The following MTURN variants were observed in gnomAD, a reference collection of about 807,000 sequenced individuals.
MTURN encodes the protein maturin, neural progenitor differentiation regulator homolog.
A neutral mutation model predicts 14.9 loss-of-function variants in MTURN; 7 were observed. The ratio of observed to expected loss-of-function variants is 0.47; its 90% CI spans 0.27 to 0.88. The LOEUF (loss-of-function observed/expected upper bound fraction) is 0.88. MTURN is among the 40% of genes least tolerant of loss of function. MTURN has a pLI of 0.14. For synonymous variants in MTURN, 69 were observed against 72.5 expected (o/e 0.95, Z 0.25); for missense variants, 151 against 174.1 (o/e 0.87, Z 0.75).
intron 2 of MTURN, among the ~76,000 whole-genome samples, chr7:30,151,972 A>C (rs777180995): frequency 6.6e-5 from 10 of 152,216 alleles, no homozygotes; most frequent in Non-Finnish European, 1.5e-4. Context: ...TGTGTCCCAG[A>C]AAAAGTCCAA....
At chr7:30,151,695 G>A (rs983481775) in intron 2 of MTURN, among the ~76,000 whole-genome samples, 3 of 152,124 alleles carry the variant, frequency 2.0e-5, no homozygotes, top group Admixed American at 6.5e-5. Flanking sequence ...GTCCCCTATT[G>A]CTCTTGCAGT....
At chr7:30,155,266 G>C (rs1797270166) in intron 2 of MTURN, among the ~76,000 whole-genome samples, 1 of 152,132 alleles carries the variant, frequency 6.6e-6, no homozygotes, top group Non-Finnish European at 1.5e-5. Flanking sequence ...TCAATACAAT[G>C]AACAATTATA....
At chr7:30,135,934 A>C (rs371113390) in intron 1 of MTURN, among the ~76,000 whole-genome samples, 2 of 152,204 alleles carry the variant, frequency 1.3e-5, no homozygotes, top group South Asian at 2.1e-4. Context: ...TACACCCCGG[A>C]TCTTAATACG....
intron 1 of MTURN, among the ~76,000 whole-genome samples, chr7:30,144,411 C>T (rs1797097524): frequency 6.6e-6 from 1 of 152,202 alleles, no homozygotes; most frequent in East Asian, 1.9e-4. Context: ...GATTAAGAAT[C>T]AACTGGCATA....
chr7:30,145,708 A>T (rs1797118413), intron 1 of MTURN: 1 of 977,564 alleles, frequency 1.0e-6, no homozygotes. Flanking sequence ...ACGCCTACTC[A>T]CAGGCCGATC....
At chr7:30,151,846 G>A (rs1382624039) in intron 2 of MTURN, among the ~76,000 whole-genome samples, 2 of 152,192 alleles carry the variant, frequency 1.3e-5, no homozygotes, top group African/African-American at 4.8e-5. Context: ...TCAAGAAAGA[G>A]ACATTTCTGC....
chr7:30,154,489 A>G (rs936708818), intron 2 of MTURN, among the ~76,000 whole-genome samples: 2 of 152,080 alleles, frequency 1.3e-5, no homozygotes, highest in Admixed American at 1.3e-4. Context: ...ACATCACATC[A>G]CGTGTAGTTA....
rs955378490 is a variant in MTURN, at chr7:30,162,659, C to A, written c.*5111C>A. On this transcript the variant is annotated 3_prime_UTR_variant, in exon 3 of 3. Transcript: ENST00000324453. ...TGCTTCAAACAGTGTAAATCCTATA[C>A]TGCACCCTGTCCACCTCTGCTCCCT... 1 of 152,612 alleles carries A rather than the reference C, an allele frequency of 6.6e-6. No homozygotes were observed. The highest frequency in any genetic ancestry group is 1.5e-5 in the Non-Finnish European group (1 of 68,038). The allele number at this position is 152,612 out of a possible 1,614,324, so 9.5% of individuals were successfully genotyped here.
chr7:30,136,212 A>G (rs1796958016), intron 1 of MTURN, among the ~76,000 whole-genome samples: 1 of 152,186 alleles, frequency 6.6e-6, no homozygotes, highest in Admixed American at 6.5e-5. Flanking sequence ...GGGAACTGGG[A>G]CTGCGGTGTC....
intron 2 of MTURN, among the ~76,000 whole-genome samples, chr7:30,153,363 C>T (rs577434685): frequency 6.6e-6 from 1 of 152,158 alleles, no homozygotes; most frequent in Non-Finnish European, 1.5e-5. Flanking sequence ...TCCCTCCTCA[C>T]AAATTTAGAC....
rs752988581 is a variant in MTURN at position 30,158,630 on chromosome 7, G to C, written c.*1082G>C. 6.6e-5 allele frequency: 10 copies of C among 152,082 alleles called. No individual in the cohort carries two copies. Among genetic ancestry groups the C allele is most frequent in the African/African-American group, 2.4e-4 (10 of 41,388 alleles). The allele number at this position is 152,082 out of a possible 1,614,324, so 9.4% of individuals were successfully genotyped here. A position where few individuals can be genotyped will look rare whatever the true frequency, so the allele number is the denominator to read the frequency against. On this transcript the variant is annotated 3_prime_UTR_variant, in exon 3 of 3. Transcript: ENST00000324453. Reference sequence around the variant, plus strand: ...ACACGAAGGTAGGAATCTTTTAATCGTGGGTTAGCTTGGTTAACAGGGAAC... The same window carrying C: ...ACACGAAGGTAGGAATCTTTTAATCCTGGGTTAGCTTGGTTAACAGGGAAC...
intron 2 of MTURN, among the ~76,000 whole-genome samples, chr7:30,153,893 T>C (rs1440418518): frequency 6.6e-6 from 1 of 152,068 alleles, no homozygotes; most frequent in East Asian, 1.9e-4. Context: ...AATTTTCATA[T>C]TTTTAGTAGA....
At chr7:30,149,687 G>A (rs1797179683) in intron 2 of MTURN, among the ~76,000 whole-genome samples, 1 of 152,210 alleles carries the variant, frequency 6.6e-6, no homozygotes, top group Admixed American at 6.5e-5. Flanking sequence ...TAGGGGTTTT[G>A]TTGCTGTCAT....
Position 30,135,014 on chromosome 7 carries a change from C to A in MTURN, c.-123C>A. 1 of 856,402 alleles carries A rather than the reference C, an allele frequency of 1.2e-6. No individual in the cohort carries two copies. Among genetic ancestry groups the A allele is most frequent in the Non-Finnish European group, 1.4e-6 (1 of 696,402 alleles). 53.1% of individuals were successfully genotyped at this position (856,402 alleles called of 1,614,324 possible). On this transcript the variant is annotated 5_prime_UTR_variant, in exon 1 of 3. Coordinates refer to ENST00000324453, the MANE Select transcript of MTURN (RefSeq NM_152793.3). ...CCGCACCGCATGTAAACAGTCCCAGCCGGCCCAGCCCGGCCCCGGAGGAGC... is the reference window on the plus strand; with the variant it reads ...CCGCACCGCATGTAAACAGTCCCAGACGGCCCAGCCCGGCCCCGGAGGAGC...
chr7:30,139,481 C>T (rs917675266), intron 1 of MTURN, among the ~76,000 whole-genome samples: 3 of 152,194 alleles, frequency 2.0e-5, no homozygotes, highest in African/African-American at 4.8e-5. Context: ...GGGACCCAAT[C>T]TAGACTGGGT....
rs10567268 is a variant in MTURN, at chr7:30,162,494, GTTT to G, written c.*4959_*4961del. On this transcript the variant is annotated 3_prime_UTR_variant, in exon 3 of 3. Transcript: ENST00000324453. ...GTTGGGTTTTTGTTTTTTGGTTGTT[GTTT>G]TTTTTTTTTTTTAGGCAAGAAGTGT... 1.6e-4 allele frequency: 22 copies of G among 139,686 alleles called. No homozygotes were observed. The highest frequency in any genetic ancestry group is 3.6e-4 in the African/African-American group (14 of 38,796). 8.7% of individuals were successfully genotyped at this position (139,686 alleles called of 1,614,324 possible).
intron 2 of MTURN, among the ~76,000 whole-genome samples, chr7:30,148,276 G>A (rs1410078747): frequency 6.6e-6 from 1 of 152,240 alleles, no homozygotes; most frequent in Non-Finnish European, 1.5e-5. Context: ...AGAGAGAGCA[G>A]CAGGTATGAA....
At chr7:30,137,421 G>C in intron 1 of MTURN, 1 of 340,362 alleles carries the variant, frequency 2.9e-6, no homozygotes, top group South Asian at 2.4e-5. Flanking sequence ...TCCAACCATC[G>C]TTCAGAAGTA....
chr7:30,153,206 G>T lies in MTURN; in HGVS notation c.286-4232G>T, dbSNP rs114228801. Among the ~76,000 whole-genome samples the T allele has an allele frequency of 5.5e-3, 842 of 152,088 alleles. 6 individuals are homozygous for T. Among genetic ancestry groups the T allele is most frequent in the African/African-American group, 0.019 (800 of 41,452 alleles). ...TCTCTTCTTGACTGTTGAAAATTGG[G>T]ATCCAGAAGTTAAATTTAGACTTGC... On this transcript the variant is annotated intron_variant, in intron 2 of 2. Transcript: ENST00000324453.
Sources: allele counts gnomAD v4.1 joint callset (sites outside exome capture counted in the v4.1 genomes callset), GRCh38; gene constraint gnomAD v4.1.1; transcripts MANE v1.5; gene names NCBI Gene and HGNC (gene_info 2026-07-23, HGNC 2026-07-21).